DNAH7: variants seen among roughly 807,000 people sequenced by gnomAD.
DNAH7 encodes dynein axonemal heavy chain 7.
A neutral mutation model predicts 444.6 loss-of-function variants in DNAH7; 397 were observed. That is an observed-to-expected ratio of 0.89 (90% CI 0.82 to 0.97). The LOEUF is 0.97. DNAH7 is among the 50% of genes least tolerant of loss of function. DNAH7 has a pLI of 0.00. For missense variants in DNAH7, 4,902 were observed against 4,800.8 expected, an observed-to-expected ratio of 1.02 and a Z score of -0.62; for synonymous variants, 1,636 against 1,624.4, an observed-to-expected ratio of 1.01 and a Z score of -0.17.
intron 61 of DNAH7, among the ~76,000 whole-genome samples, chr2:195,762,479 C>A (rs916870465): frequency 1.3e-5 from 2 of 151,928 alleles, no homozygotes; most frequent in African/African-American, 4.8e-5. Context: ...ATCTGTTGCC[C>A]AGAAGAAACA....
At chr2:196,021,782 A>C (rs1695397741) in intron 8 of DNAH7, among the ~76,000 whole-genome samples, 12 of 152,066 alleles carry the variant, frequency 7.9e-5, no homozygotes, top group Admixed American at 7.9e-4. Flanking sequence ...TGATCATGCC[A>C]CTGCACTCCA....
At chr2:195,754,210 C>T in intron 63 of DNAH7, 127 bp downstream of exon 63, 1 of 1,033,004 alleles carries the variant, frequency 9.7e-7, no homozygotes, top group Admixed American at 2.7e-5. Flanking sequence ...TAATTTTTTT[C>T]TCTGGCATTT....
intron 33 of DNAH7, among the ~76,000 whole-genome samples, chr2:195,886,519 GTTAAT>G (rs1475432308): frequency 5.9e-5 from 9 of 152,270 alleles, no homozygotes; most frequent in South Asian, 2.1e-4. Flanking sequence ...TACGTGTGCA[GTTAAT>G]TTAAGATATG....
At chr2:196,060,540 C>A (rs190798108) in intron 1 of DNAH7, among the ~76,000 whole-genome samples, 2 of 152,250 alleles carry the variant, frequency 1.3e-5, no homozygotes, top group East Asian at 3.9e-4. Flanking sequence ...ATTGTTTTTG[C>A]TGCAGCAATT....
At chr2:195,789,470 G>C (rs1364114303) in intron 57 of DNAH7, among the ~76,000 whole-genome samples, 1 of 152,116 alleles carries the variant, frequency 6.6e-6, no homozygotes, top group Admixed American at 6.5e-5. Context: ...AACTGGATCA[G>C]GTAAGAATCA....
chr2:195,851,808 C>T (rs1295460692), intron 46 of DNAH7, among the ~76,000 whole-genome samples: 2 of 152,130 alleles, frequency 1.3e-5, no homozygotes, highest in Non-Finnish European at 2.9e-5. Context: ...GTGCTCTGAA[C>T]CAGCAGGGAA....
At chr2:195,756,086 G>T in intron 62 of DNAH7, 47 bp downstream of exon 62, 3 of 1,539,656 alleles carry the variant, frequency 1.9e-6, no homozygotes, top group Non-Finnish European at 1.8e-6. Context: ...CGAAGAAAAT[G>T]AAACCAGGAG....
chr2:195,870,020 T>C (rs1700580784), intron 40 of DNAH7, among the ~76,000 whole-genome samples: 1 of 152,164 alleles, frequency 6.6e-6, no homozygotes, highest in South Asian at 2.1e-4. Context: ...ACATATACAA[T>C]AGCACAAACA....
intron 38 of DNAH7, among the ~76,000 whole-genome samples, chr2:195,874,175 G>A (rs1042797212): frequency 2.6e-5 from 4 of 152,142 alleles, no homozygotes; most frequent in African/African-American, 9.7e-5. Context: ...ATCTTGAAGC[G>A]AATTTACCCA....
At chr2:195,869,051 C>A (rs1056329818) in intron 40 of DNAH7, among the ~76,000 whole-genome samples, 1 of 151,890 alleles carries the variant, frequency 6.6e-6, no homozygotes, top group Non-Finnish European at 1.5e-5. Context: ...CCTTGTTACA[C>A]AGCCATGAAA....
At chr2:195,964,495 TG>T (rs1691326468) in intron 17 of DNAH7, among the ~76,000 whole-genome samples, 1 of 151,774 alleles carries the variant, frequency 6.6e-6, no homozygotes, top group Non-Finnish European at 1.5e-5. Context: ...TTTTGTATCC[TG>T]TAACTTTACT....
Position 195,858,713 on chromosome 2 carries a change from C to G in DNAH7, c.7828G>C (p.Glu2610Gln). 6.2e-7 allele frequency: 1 copy of G among 1,614,012 alleles called. No homozygotes were observed. The highest frequency in any genetic ancestry group is 8.5e-7 in the Non-Finnish European group (1 of 1,179,922). ...ACTTTTAATTGAGGATGTAGTGCCT[C>G]CAACTCCATCTGCATTGTGGCTACT... ...SQVATMQMELEALHPQLKVAS... is the reference protein window; with the variant it reads ...SQVATMQMELQALHPQLKVAS... The change falls in exon 43 of 65, where the codon GAG becomes CAG. Residue 2610 changes from glutamate (E) to glutamine (Q), a missense_variant. Glu to Gln is a conservative substitution (Grantham distance 29). Transcript: ENST00000312428.
chr2:195,808,991 A>G lies in DNAH7; in HGVS notation c.9889-115T>C, dbSNP rs1559112139. On this transcript the variant is annotated intron_variant, in intron 52 of 64. Transcript: ENST00000312428. ...CTTCCAAGTTTCAGATGTGGTCTCT[A>G]TGAAATTCTATAGCTAGTGTTATAG... is the stretch of plus-strand genomic sequence containing the variant. 7.4e-6 allele frequency: 6 copies of G among 816,096 alleles called. No homozygotes were observed. In the South Asian group the frequency reaches 9.7e-5, roughly 13 times the overall value. The allele number at this position is 816,096 out of a possible 1,614,324, so 50.6% of individuals were successfully genotyped here.
At chr2:196,061,928 G>C (rs1007052731) in intron 1 of DNAH7, among the ~76,000 whole-genome samples, 1 of 152,074 alleles carries the variant, frequency 6.6e-6, no homozygotes, top group African/African-American at 2.4e-5. Context: ...TTCTACTCTT[G>C]GTCATCAGTC....
At chr2:195,834,455 G>T in intron 47 of DNAH7, 95 bp from the exon 48 acceptor site, 2 of 1,315,978 alleles carry the variant, frequency 1.5e-6, no homozygotes, top group African/African-American at 1.5e-5. Context: ...TTAAAAGTTT[G>T]CCCTTTATTG....
intron 61 of DNAH7, among the ~76,000 whole-genome samples, chr2:195,771,308 C>A (rs1694828935): frequency 6.6e-6 from 1 of 151,916 alleles, no homozygotes; most frequent in Non-Finnish European, 1.5e-5. Context: ...TGACTATACT[C>A]CAGTCTGGGT....
At position 195,866,322 on chromosome 2, in the gene DNAH7, T is replaced by A. The variant is rs139674105; in HGVS notation, c.6634-1301A>T. 1.7e-3 allele frequency among the ~76,000 whole-genome samples: 254 copies of A among 152,334 alleles called. 1 individual carries two copies. Among genetic ancestry groups the A allele is most frequent in the African/African-American group, 5.9e-3 (247 of 41,574 alleles). On this transcript the variant is annotated intron_variant, in intron 40 of 64. Transcript: ENST00000312428. ...GTGGTTTTAGTGTATTGTTATCAAATTGATGATTTCATAGTGTTATCCTTT... is the reference window on the plus strand; with the variant it reads ...GTGGTTTTAGTGTATTGTTATCAAAATGATGATTTCATAGTGTTATCCTTT...
chr2:196,000,704 C>T lies in DNAH7; in HGVS notation c.1353G>A (p.Trp451Ter), dbSNP rs763834512. 18 of 1,542,830 alleles carry T rather than the reference C, an allele frequency of 1.2e-5. No individual in the cohort carries two copies. The South Asian group carries it at 2.2e-4, about 19-fold the overall frequency. Residue 451 changes from tryptophan to a stop codon, truncating the protein, a stop_gained and splice_region_variant, in exon 12 of 65, where the codon TGG becomes TGA. Transcript: ENST00000312428. LOFTEE classifies it high-confidence loss of function. ...CAATCTTAATATCCTTGTTACTTACCCACTTGGAATACAATTTTGTCTCAA... is the reference window on the plus strand; with the variant it reads ...CAATCTTAATATCCTTGTTACTTACTCACTTGGAATACAATTTTGTCTCAA... ...PRVETKLYSK[W>*]ESKSKPTTLK...
chr2:195,811,788 T>C (rs1232373258), intron 51 of DNAH7, among the ~76,000 whole-genome samples: 3 of 151,338 alleles, frequency 2.0e-5, no homozygotes, highest in Non-Finnish European at 2.9e-5. Flanking sequence ...AAAAAAAAAC[T>C]GTGTGCGTAA....
Sources: gnomAD v4.1 joint callset for allele counts (sites outside exome capture counted in the v4.1 genomes callset) on GRCh38, gnomAD v4.1.1 for gene constraint, MANE v1.5 for transcripts, NCBI Gene and HGNC (gene_info 2026-07-23, HGNC 2026-07-21) for gene names.